The following FILIP1 variants were observed in gnomAD, a reference collection of about 807,000 sequenced individuals.
FILIP1 encodes filamin A interacting protein 1, also known as filamin-A-interacting protein 1.
In FILIP1, 61 loss-of-function variants were observed where a neutral mutation model predicts 102.1. That is an observed-to-expected ratio of 0.60 (90% CI 0.49 to 0.74). The LOEUF (loss-of-function observed/expected upper bound fraction) is 0.74. FILIP1 is among the 30% of genes least tolerant of loss of function. The pLI is 0.00. For synonymous variants in FILIP1, 491 were observed against 526.9 expected (o/e 0.93, Z 0.93); for missense variants, 1,314 against 1,441.2 (o/e 0.91, Z 1.43).
intron 1 of FILIP1, among the ~76,000 whole-genome samples, chr6:75,447,259 C>CT (rs552791490): frequency 6.6e-6 from 1 of 152,024 alleles, no homozygotes; most frequent in East Asian, 1.9e-4. Context: ...TTAAAGAGTT[C>CT]TTTTTTTCCC....
At chr6:75,480,763 T>C (rs1779629915) in intron 1 of FILIP1, among the ~76,000 whole-genome samples, 1 of 152,196 alleles carries the variant, frequency 6.6e-6, no homozygotes, top group Non-Finnish European at 1.5e-5. Flanking sequence ...CTCAGCAATG[T>C]GGTTTGAGGG....
chr6:75,454,592 A>G (rs1440854702), intron 1 of FILIP1, among the ~76,000 whole-genome samples: 1 of 152,226 alleles, frequency 6.6e-6, no homozygotes, highest in Non-Finnish European at 1.5e-5. Flanking sequence ...AAGAATAACT[A>G]AATGGAATAC....
At chr6:75,448,306 T>A (rs1019070696) in intron 1 of FILIP1, among the ~76,000 whole-genome samples, 2 of 152,146 alleles carry the variant, frequency 1.3e-5, no homozygotes, top group Non-Finnish European at 2.9e-5. Context: ...TACTAATAGG[T>A]GAGAGTTCCT....
rs544582189 is a variant in FILIP1 at position 75,300,504 on chromosome 6, A to T, written c.3494-4554T>A. ...CCACTGCAAAAATGTCCTACATTCT[A>T]TTTACCTTTTAGAAGTACTTAGATA... On this transcript the variant is annotated intron_variant, in intron 6 of 6. Transcript: ENST00000393004. 7.7e-4 allele frequency among the ~76,000 whole-genome samples: 118 copies of T among 152,268 alleles called. 1 individual carries two copies. Among genetic ancestry groups the T allele is most frequent in the African/African-American group, 2.7e-3 (112 of 41,534 alleles).
chr6:75,410,830 A>G (rs966349915), intron 2 of FILIP1, among the ~76,000 whole-genome samples: 2 of 152,062 alleles, frequency 1.3e-5, no homozygotes, highest in Non-Finnish European at 2.9e-5. Context: ...CAAGTTTGCT[A>G]TTTTTGTTGG....
intron 1 of FILIP1, among the ~76,000 whole-genome samples, chr6:75,416,789 T>C (rs1424936716): frequency 6.6e-6 from 1 of 152,104 alleles, no homozygotes; most frequent in Non-Finnish European, 1.5e-5. Context: ...AAATATTGAT[T>C]TGACAACTTT....
chr6:75,462,213 G>A (rs1321611004), intron 1 of FILIP1, among the ~76,000 whole-genome samples: 1 of 152,124 alleles, frequency 6.6e-6, no homozygotes, highest in Non-Finnish European at 1.5e-5. Context: ...AATCAGAGGT[G>A]GGATTTTAAA....
chr6:75,387,591 C>G (rs566009869), intron 2 of FILIP1, among the ~76,000 whole-genome samples: 1 of 152,062 alleles, frequency 6.6e-6, no homozygotes. Flanking sequence ...TTCTAACTGG[C>G]GTGAGATGGT....
chr6:75,434,945 A>C (rs1216124156), intron 1 of FILIP1, among the ~76,000 whole-genome samples: 2 of 152,232 alleles, frequency 1.3e-5, no homozygotes, highest in Admixed American at 1.3e-4. Context: ...TGAGATAATC[A>C]TGCGGGTTTT....
chr6:75,451,520 T>C (rs1778630532), intron 1 of FILIP1, among the ~76,000 whole-genome samples: 1 of 151,954 alleles, frequency 6.6e-6, no homozygotes, highest in African/African-American at 2.4e-5. Flanking sequence ...AAAACAACAA[T>C]AAAATATCAT....
chr6:75,376,236 CAA>C (rs1562519929), intron 2 of FILIP1, among the ~76,000 whole-genome samples: 1 of 152,094 alleles, frequency 6.6e-6, no homozygotes, highest in Non-Finnish European at 1.5e-5. Context: ...TACTCCTACT[CAA>C]GAGATGCAAT....
chr6:75,492,580 A>T (rs2149790939), intron 1 of FILIP1, among the ~76,000 whole-genome samples: 1 of 152,316 alleles, frequency 6.6e-6, no homozygotes, highest in Middle Eastern at 3.4e-3. Context: ...CAATTCTGAT[A>T]AAATTGCATG....
In FILIP1 at chr6:75,313,504, C is replaced by T. The variant is rs1453326816; in HGVS notation, c.2328G>A (p.Leu776=). The T allele has an allele frequency of 1.9e-6, 3 of 1,614,178 alleles. No individual in the cohort carries two copies. The highest frequency in any genetic ancestry group is 2.2e-5 in the East Asian group (1 of 44,882). The part of the protein sequence containing the change: ...GQEVLNLTKE[L]ELSKRYSRAL... ...CTCTGCTGTAGCGCTTGGAAAGCTC[C>T]AACTCTTTGGTCAGATTGAGAACCT... is the stretch of plus-strand genomic sequence containing the variant. The change falls in exon 5 of 6, where the codon TTG becomes TTA. Residue 776 remains leucine (L), a synonymous_variant. Coordinates refer to ENST00000237172, the MANE Select transcript of FILIP1 (RefSeq NM_015687.5). This position sits in a 1 kb window ranked among gnomAD's most constrained non-coding sequence, Gnocchi z 4.2.
At chr6:75,337,723 AG>A (rs1198732277) in intron 4 of FILIP1, among the ~76,000 whole-genome samples, 5 of 152,146 alleles carry the variant, frequency 3.3e-5, no homozygotes, top group African/African-American at 1.2e-4. Context: ...ATGGTGTATC[AG>A]GTCTGGATAA....
rs113808351 is a variant in FILIP1, at chr6:75,353,983, GGT to G, written c.451-268_451-267del. 9.5e-3 allele frequency among the ~76,000 whole-genome samples: 1,444 copies of G among 152,040 alleles called. 20 individuals are homozygous for G. Among genetic ancestry groups the G allele is most frequent in the African/African-American group, 0.034 (1,390 of 41,462 alleles). On this transcript the variant is annotated intron_variant, in intron 3 of 5. Transcript: ENST00000237172. ...CTAAACTTCTTTCCTTTTTTGGGGG[GGT>G]GGGATATACCATAATTTTATCCATT...
chr6:75,432,853 C>T (rs1777875089), intron 1 of FILIP1, among the ~76,000 whole-genome samples: 1 of 151,946 alleles, frequency 6.6e-6, no homozygotes, highest in South Asian at 2.1e-4. Flanking sequence ...CCCAACAGGC[C>T]CCGGTGTGTG....
Position 75,313,210 on chromosome 6 carries a change from T to G in FILIP1, c.2622A>C (p.Arg874Ser). 1 of 1,614,164 alleles carries G rather than the reference T, an allele frequency of 6.2e-7. No homozygotes were observed. The highest frequency in any genetic ancestry group is 1.3e-5 in the African/African-American group (1 of 75,036). Residue 874 changes from arginine to serine, a missense_variant, in exon 5 of 6, where the codon AGA (arginine) becomes AGC (serine). By Grantham distance (110) the Arg-to-Ser change is moderately radical. Coordinates refer to ENST00000237172, the MANE Select transcript of FILIP1 (RefSeq NM_015687.5). The surrounding 1 kb of genome is among the most constrained non-coding windows in gnomAD (Gnocchi z 4.2). ...TGATGGAGGGGCCGTTTTCCCTCTTTCTCATCCATGGAATCCAAGACTTTC... is the reference window on the plus strand; with the variant it reads ...TGATGGAGGGGCCGTTTTCCCTCTTGCTCATCCATGGAATCCAAGACTTTC... Reference protein sequence around the residue: ...TMRKSWIPWMRKRENGPSITQ... With the variant: ...TMRKSWIPWMSKRENGPSITQ...
chr6:75,449,244 C>T (rs189508527), intron 1 of FILIP1, among the ~76,000 whole-genome samples: 49 of 152,150 alleles, frequency 3.2e-4, no homozygotes, highest in Admixed American at 3.1e-3. Flanking sequence ...AACCAAACAT[C>T]GTATGTTCTC....
chr6:75,488,405 C>T (rs375281635), intron 1 of FILIP1, among the ~76,000 whole-genome samples: 7 of 151,860 alleles, frequency 4.6e-5, no homozygotes, highest in African/African-American at 1.4e-4. Flanking sequence ...TAGCCTTTTC[C>T]CTTCTCTCAT....
Sources: allele counts gnomAD v4.1 joint callset (sites outside exome capture counted in the v4.1 genomes callset), GRCh38; gene constraint gnomAD v4.1.1; non-coding constraint Gnocchi (gnomAD v3.1); transcripts MANE v1.5; gene names NCBI Gene and HGNC (gene_info 2026-07-23, HGNC 2026-07-21).